Variants in GPM6A observed in about 807,000 individuals in gnomAD.
GPM6A encodes the protein glycoprotein M6A.
GPM6A carries 7 observed loss-of-function variants against 32.1 expected under a neutral mutation model. That is an observed-to-expected ratio of 0.22 (90% CI 0.12 to 0.41). The LOEUF is 0.41. Among genes scored for constraint, GPM6A ranks in the 10% least tolerant of loss-of-function variants. The pLI, the probability that GPM6A is intolerant of heterozygous loss-of-function variation, is 1.00. For missense variants in GPM6A, 235 were observed against 347.2 expected (o/e 0.68, Z 2.57); for synonymous variants, 130 against 123.4 (o/e 1.05, Z -0.35).
At chr4:175,774,722 A>T (rs891762047) in intron 1 of GPM6A, among the ~76,000 whole-genome samples, 2 of 152,096 alleles carry the variant, frequency 1.3e-5, no homozygotes, top group African/African-American at 4.8e-5. Context: ...TAATGTCAAC[A>T]TTACATCATT....
chr4:175,770,827 C>G (rs1733157768), intron 1 of GPM6A, among the ~76,000 whole-genome samples: 1 of 152,072 alleles, frequency 6.6e-6, no homozygotes, highest in Non-Finnish European at 1.5e-5. Flanking sequence ...ACTGTTTTTA[C>G]TATCTCTACA....
chr4:175,664,955 C>T (rs1046899272), intron 3 of GPM6A, among the ~76,000 whole-genome samples: 3 of 152,158 alleles, frequency 2.0e-5, no homozygotes, highest in African/African-American at 7.2e-5. Context: ...ATCTACACAG[C>T]ATGTTACTAT....
intron 1 of GPM6A, among the ~76,000 whole-genome samples, chr4:175,871,872 TC>T (rs759897505): frequency 2.6e-5 from 4 of 152,216 alleles, no homozygotes; most frequent in Non-Finnish European, 5.9e-5. Context: ...TTCTTTTTTT[TC>T]CTTCCAGATA....
intron 1 of GPM6A, among the ~76,000 whole-genome samples, chr4:175,993,318 C>T (rs891385709): frequency 2.0e-5 from 3 of 151,856 alleles, no homozygotes; most frequent in Non-Finnish European, 4.4e-5. Flanking sequence ...ATATTGTATT[C>T]CTTTCTGTTC....
chr4:175,994,066 C>T (rs1741231218), intron 1 of GPM6A, among the ~76,000 whole-genome samples: 1 of 152,058 alleles, frequency 6.6e-6, no homozygotes, highest in South Asian at 2.1e-4. Context: ...GGCTGAAGGA[C>T]CAAAGGGACA....
At chr4:175,774,313 T>C (rs1180151706) in intron 1 of GPM6A, among the ~76,000 whole-genome samples, 2 of 152,096 alleles carry the variant, frequency 1.3e-5, no homozygotes, top group African/African-American at 4.8e-5. Flanking sequence ...ATTAATAACA[T>C]CATATCTAAT....
Position 175,966,904 on chromosome 4 carries a change from C to T in GPM6A, c.-23+35405G>A, listed in dbSNP as rs115405295. Among the ~76,000 whole-genome samples, 1,426 of 152,268 alleles carry T rather than the reference C, an allele frequency of 9.4e-3. 17 individuals carry two copies. The highest frequency in any genetic ancestry group is 0.016 in the Non-Finnish European group (1,065 of 68,014). On this transcript the variant is annotated intron_variant, in intron 1 of 7. Transcript: ENST00000280187. The stretch of plus-strand genomic sequence containing the variant: ...CAAATATTTAAGAAAGAAACCAATT[C>T]TTTAAAATCTCTTACAGAAAATAGG...
At chr4:175,668,381 A>G (rs1313629320) in intron 3 of GPM6A, among the ~76,000 whole-genome samples, 2 of 151,870 alleles carry the variant, frequency 1.3e-5, no homozygotes, top group African/African-American at 4.8e-5. Context: ...TACACCTCCT[A>G]CACCCCACCC....
At chr4:175,671,911 G>A (rs1743094742) in intron 3 of GPM6A, among the ~76,000 whole-genome samples, 2 of 87,212 alleles carry the variant, frequency 2.3e-5, no homozygotes, top group African/African-American at 5.4e-5. Context: ...GCCTCTGGAG[G>A]AGCCCACGCA....
intron 1 of GPM6A, among the ~76,000 whole-genome samples, chr4:175,857,605 G>A (rs145922786): frequency 1.6e-4 from 25 of 152,120 alleles, no homozygotes; most frequent in Admixed American, 7.2e-4. Context: ...TTAGATGCAC[G>A]TGGTCTGAAT....
At chr4:175,658,816 A>G (rs1234172471) in intron 3 of GPM6A, among the ~76,000 whole-genome samples, 3 of 152,200 alleles carry the variant, frequency 2.0e-5, no homozygotes, top group African/African-American at 7.2e-5. Context: ...TGTTAATACG[A>G]TCTAAGTGTT....
At chr4:175,788,524 A>G (rs895840702) in intron 1 of GPM6A, among the ~76,000 whole-genome samples, 5 of 152,230 alleles carry the variant, frequency 3.3e-5, no homozygotes, top group African/African-American at 1.2e-4. Context: ...AAGCAATCAA[A>G]GCATCATACA....
intron 1 of GPM6A, among the ~76,000 whole-genome samples, chr4:175,766,744 T>A (rs1732985662): frequency 6.8e-6 from 1 of 146,206 alleles, no homozygotes; most frequent in African/African-American, 2.5e-5. Context: ...AACCTCCACC[T>A]CCCAGGTTCA....
intron 1 of GPM6A, among the ~76,000 whole-genome samples, chr4:175,718,048 T>C (rs532454781): frequency 1.5e-3 from 231 of 152,328 alleles, no homozygotes; most frequent in African/African-American, 5.3e-3. Flanking sequence ...ATTATGGTTA[T>C]TGAGAAATTT....
At chr4:175,893,554 A>G (rs73871253) in intron 1 of GPM6A, among the ~76,000 whole-genome samples, 161 of 152,064 alleles carry the variant, frequency 1.1e-3, no homozygotes, top group African/African-American at 3.8e-3. Context: ...CTCTTGTTCT[A>G]TTCTTCCTCC....
intron 1 of GPM6A, among the ~76,000 whole-genome samples, chr4:175,997,104 C>T (rs144735216): frequency 2.0e-5 from 3 of 152,228 alleles, no homozygotes; most frequent in Non-Finnish European, 2.9e-5. Flanking sequence ...CTCTCTTGGA[C>T]GACCAGTCCA....
intron 4 of GPM6A, among the ~76,000 whole-genome samples, chr4:175,643,898 CAG>C (rs1741298374): frequency 6.6e-6 from 1 of 152,112 alleles, no homozygotes; most frequent in Admixed American, 6.6e-5. Flanking sequence ...CCAGAAAACA[CAG>C]TGCACATACG....
chr4:175,811,123 C>T lies in GPM6A; in HGVS notation c.37+1068G>A, dbSNP rs139190102. On this transcript the variant is annotated intron_variant, in intron 1 of 6. Transcript: ENST00000393658. ...TGTGTGTACATTAAGAGAAGAAACC[C>T]AGCATAGCTAAATGGCTAAAAATAT... Among the ~76,000 whole-genome samples, 279 of 152,032 alleles carry T rather than the reference C, an allele frequency of 1.8e-3. 2 individuals are homozygous for T. Among genetic ancestry groups the T allele is most frequent in the African/African-American group, 6.6e-3 (275 of 41,476 alleles).
chr4:175,989,005 C>G (rs571470778), intron 1 of GPM6A, among the ~76,000 whole-genome samples: 1 of 152,134 alleles, frequency 6.6e-6, no homozygotes, highest in Admixed American at 6.5e-5. Context: ...ACTTGTACCC[C>G]AATTCTGTAG....
Sources: gnomAD v4.1 joint callset for allele counts (sites outside exome capture counted in the v4.1 genomes callset) on GRCh38, gnomAD v4.1.1 for gene constraint, MANE v1.5 for transcripts, NCBI Gene and HGNC (gene_info 2026-07-23, HGNC 2026-07-21) for gene names.